The following B4GALNT4 variants were observed in gnomAD, a reference collection of about 807,000 sequenced individuals.
B4GALNT4 encodes the protein N-acetyl-beta-glucosaminyl-glycoprotein 4-beta-N-acetylgalactosaminyltransferase 1.
In B4GALNT4, 77 loss-of-function variants were observed where a neutral mutation model predicts 110.0. The observed-to-expected ratio is 0.70, with a 90% CI of 0.58 to 0.85. The LOEUF is 0.85. Among genes scored for constraint, B4GALNT4 ranks in the 40% least tolerant of loss-of-function variants. The pLI, the probability that B4GALNT4 is intolerant of heterozygous loss-of-function variation, is 0.00. For missense variants in B4GALNT4, 1,575 were observed against 1,506.0 expected (o/e 1.05, Z -0.76); for synonymous variants, 785 against 655.5 (o/e 1.20, Z -3.02).
intron 18 of B4GALNT4, 31 bp downstream of exon 18, chr11:380,476 C>A: frequency 6.4e-7 from 1 of 1,557,296 alleles, no homozygotes. Context: ...CCCTGTGATA[C>A]CAGGGTTCCC....
In B4GALNT4 at chr11:377,062, G is replaced by T; in HGVS notation, c.1939G>T (p.Glu647Ter). The T allele has an allele frequency of 6.9e-7, 1 of 1,442,224 alleles. No homozygotes were observed. The highest frequency in any genetic ancestry group is 9.1e-7 in the Non-Finnish European group (1 of 1,098,018). The allele number at this position is 1,442,224 out of a possible 1,614,324, so 89.3% of individuals were successfully genotyped here. The change falls in exon 14 of 20, where the codon GAG (glutamate) becomes TAG (stop). Residue 647 changes from glutamate to a stop codon, truncating the protein, a stop_gained. Coordinates refer to ENST00000329962, the MANE Select transcript of B4GALNT4 (RefSeq NM_178537.5). LOFTEE classifies it high-confidence loss of function. ...PQLPGEGEEE[E>*]EGEDDGAPGD... ...GCTGCCCGGGGAGGGCGAAGAGGAG[G>T]AGGAAGGGGAGGACGATGGGGCCCC...
At position 381,929 on chromosome 11, in the gene B4GALNT4, C is replaced by A; in HGVS notation, c.*137C>A. Reference sequence around the variant, plus strand: ...CCGCCTGTGCCTGCCCCTCTCTGGCCCACTGGGCGTCGTGCCCCTCCCCGG... The same window carrying A: ...CCGCCTGTGCCTGCCCCTCTCTGGCACACTGGGCGTCGTGCCCCTCCCCGG... On this transcript the variant is annotated 3_prime_UTR_variant, in exon 20 of 20. Transcript: ENST00000329962. 9.0e-7 allele frequency: 1 copy of A among 1,107,048 alleles called. No homozygotes were observed. Among genetic ancestry groups the A allele is most frequent in the Non-Finnish European group, 1.2e-6 (1 of 835,660 alleles). 68.6% of individuals were successfully genotyped at this position (1,107,048 alleles called of 1,614,324 possible).
intron 11 of B4GALNT4, 21 bp downstream of exon 11, chr11:375,977 C>T (rs1368895019): frequency 5.6e-6 from 9 of 1,606,954 alleles, no homozygotes; most frequent in Middle Eastern, 1.6e-4. Context: ...CTGGAGACCC[C>T]GTCTCCCGTC....
chr11:381,230 C>T (rs1846869436), intron 19 of B4GALNT4: 1 of 767,068 alleles, frequency 1.3e-6, no homozygotes, highest in East Asian at 1.3e-4. Flanking sequence ...CCCCATCATC[C>T]CACTGGGGCC....
At position 379,574 on chromosome 11, in the gene B4GALNT4, G is replaced by C; in HGVS notation, c.2361G>C (p.Gly787=). ...TGCGGCTGCCGGGAGCCCGCGTAGGGGATGCAGACGGAGAAAGTCCCGAAC... is the reference window on the plus strand; with the variant it reads ...TGCGGCTGCCGGGAGCCCGCGTAGGCGATGCAGACGGAGAAAGTCCCGAAC... ...VFLRLPGARV[G]DADGESPEPA... is the part of the protein sequence containing the mutation. Residue 787 remains glycine, a synonymous_variant, in exon 15 of 20, where the codon GGG becomes GGC. Transcript: ENST00000329962. 1 of 1,585,484 alleles carries C rather than the reference G, an allele frequency of 6.3e-7. No homozygotes were observed. Among genetic ancestry groups the C allele is most frequent in the Non-Finnish European group, 8.6e-7 (1 of 1,167,644 alleles).
intron 15 of B4GALNT4, 25 bp from the exon 16 acceptor site, chr11:379,841 G>T: frequency 6.4e-7 from 1 of 1,561,602 alleles, no homozygotes. Context: ...TCGGCTCAGC[G>T]CCCCCCCCGC....
At chr11:377,742 C>T (rs929393494) in intron 14 of B4GALNT4, among the ~76,000 whole-genome samples, 3 of 152,254 alleles carry the variant, frequency 2.0e-5, no homozygotes, top group Non-Finnish European at 4.4e-5. Flanking sequence ...CCCCTGGGCC[C>T]CTCCTCCTCT....
rs761643991 is a variant in B4GALNT4, at chr11:376,637, C to T, written c.1514C>T (p.Pro505Leu). The change falls in exon 14 of 20, where the codon CCG becomes CTG. Residue 505 changes from proline (P) to leucine (L), a missense_variant. Physicochemically the swap from Pro to Leu is moderately conservative, Grantham distance 98 (BLOSUM62 -3). Transcript: ENST00000329962. ...SWAARAARPL[P>L]LFLGRAPPPR... ...GCCGCCAGGGCCGCCCGCCCTTTGC[C>T]GCTCTTCTTGGGCCGAGCTCCGCCC... 1.3e-5 allele frequency: 18 copies of T among 1,423,136 alleles called. No homozygotes were observed. The Admixed American group carries it at 1.4e-4, about 11-fold the overall frequency. 88.2% of individuals were successfully genotyped at this position (1,423,136 alleles called of 1,614,324 possible).
rs754486139 is a variant in B4GALNT4, at chr11:376,362, G to A, written c.1297+11G>A. The stretch of plus-strand genomic sequence containing the variant: ...TCCTCAACCCGGACGGTGAGTGTCC[G>A]CAGCGCCCCTGGCCCGCACCCACCT... On this transcript the variant is annotated intron_variant, in intron 13 of 19. Transcript: ENST00000329962. 1.2e-6 allele frequency: 2 copies of A among 1,605,170 alleles called. No individual in the cohort carries two copies. The highest frequency in any genetic ancestry group is 1.1e-5 in the South Asian group (1 of 90,494).
intron 14 of B4GALNT4, among the ~76,000 whole-genome samples, chr11:378,580 G>T (rs1846807092): frequency 6.6e-6 from 1 of 152,204 alleles, no homozygotes; most frequent in African/African-American, 2.4e-5. Context: ...ACCCTCAGCT[G>T]TCACACAGGT....
chr11:379,347 A>C, intron 14 of B4GALNT4, 71 bp from the exon 15 acceptor site: 4 of 1,397,434 alleles, frequency 2.9e-6, no homozygotes, highest in Non-Finnish European at 3.7e-6. Context: ...TTCTGTGGCC[A>C]GGGCGGACCA....
At chr11:380,690 C>T (rs922960615) in intron 18 of B4GALNT4, 135 bp from the exon 19 acceptor site, 11 of 1,440,418 alleles carry the variant, frequency 7.6e-6, no homozygotes, top group Middle Eastern at 1.7e-4. Context: ...CCAGTACCAC[C>T]GGACGACTCC....
rs1424669324 is a variant in B4GALNT4, at chr11:376,192, C to A, written c.1196+18C>A. On this transcript the variant is annotated intron_variant, in intron 12 of 19. Transcript: ENST00000329962. ...CTGGAGAGGTGGGCGCGCGGCCGGG[C>A]TAATGCGGGGCGGGGTGGGCGGGGC... 28 of 743,012 alleles carry A rather than the reference C, an allele frequency of 3.8e-5. No individual in the cohort carries two copies. Among genetic ancestry groups the A allele is most frequent in the Non-Finnish European group, 5.8e-5 (27 of 463,020 alleles). 46.0% of individuals were successfully genotyped at this position (743,012 alleles called of 1,614,324 possible). A position where few individuals can be genotyped will look rare whatever the true frequency, so the allele number is the denominator to read the frequency against.
chr11:375,789 C>T lies in B4GALNT4; in HGVS notation c.985+16C>T, dbSNP rs932275582. 11 of 1,600,984 alleles carry T rather than the reference C, an allele frequency of 6.9e-6. No homozygotes were observed. The African/African-American group carries it at 1.2e-4, about 18-fold the overall frequency. Reference sequence around the variant, plus strand: ...TTTTTCCTCAGTGAGAGGGGGCCCGCGCGGGGGCGAGGGCGGGGGTGCCTG... The same window carrying T: ...TTTTTCCTCAGTGAGAGGGGGCCCGTGCGGGGGCGAGGGCGGGGGTGCCTG... On this transcript the variant is annotated intron_variant, in intron 10 of 19. Coordinates refer to ENST00000329962, the MANE Select transcript of B4GALNT4 (RefSeq NM_178537.5).
chr11:381,211 G>C lies in B4GALNT4; in HGVS notation c.2996+260G>C, dbSNP rs912728189. The C allele has an allele frequency of 4.4e-6, 4 of 914,392 alleles. No homozygotes were observed. The African/African-American group carries it at 5.4e-5, about 12-fold the overall frequency. The allele number at this position is 914,392 out of a possible 1,614,324, so 56.6% of individuals were successfully genotyped here. On this transcript the variant is annotated intron_variant, in intron 19 of 19. Transcript: ENST00000329962. ...CCCCCGATCCCATAGGCCCTGGGTG[G>C]CCCTGAGTCCCCATCATCCCACTGG...
rs1160490278 is a variant in B4GALNT4, at chr11:376,073, G to A, written c.1096-1G>A. ...GAGCCCTGCGCCCCCCCACCCCCCA[G>A]GTGTACCTGTCCTTCGTTTATCCCA... is the stretch of plus-strand genomic sequence containing the variant. On this transcript the variant is annotated splice_acceptor_variant, in intron 11 of 19. Transcript: ENST00000329962. LOFTEE classifies it high-confidence loss of function. 1.7e-6 allele frequency: 2 copies of A among 1,195,680 alleles called. No homozygotes were observed. The highest frequency in any genetic ancestry group is 3.5e-5 in the Admixed American group (2 of 57,350). 74.1% of individuals were successfully genotyped at this position (1,195,680 alleles called of 1,614,324 possible). A position where few individuals can be genotyped will look rare whatever the true frequency, so the allele number is the denominator to read the frequency against.
At position 380,128 on chromosome 11, in the gene B4GALNT4, A is replaced by G; in HGVS notation, c.2643-2A>G. 1.2e-6 allele frequency: 2 copies of G among 1,601,440 alleles called. No individual in the cohort carries two copies. Among genetic ancestry groups the G allele is most frequent in the Non-Finnish European group, 1.7e-6 (2 of 1,171,658 alleles). On this transcript the variant is annotated splice_acceptor_variant, in intron 16 of 19. Transcript: ENST00000329962. LOFTEE classifies it high-confidence loss of function. Reference sequence around the variant, plus strand: ...ATCGTGCCTGTGACTCGCCCTCCCCAGGTACCAGTACCTGAGACGAACCGG... The same window carrying G: ...ATCGTGCCTGTGACTCGCCCTCCCCGGGTACCAGTACCTGAGACGAACCGG...
In B4GALNT4 at chr11:379,403, C is replaced by G. The variant is rs1486827374; in HGVS notation, c.2205-15C>G. 1.3e-6 allele frequency: 2 copies of G among 1,490,032 alleles called. No individual in the cohort carries two copies. The highest frequency in any genetic ancestry group is 4.6e-5 in the Admixed American group (2 of 43,090). 92.3% of individuals were successfully genotyped at this position (1,490,032 alleles called of 1,614,324 possible). A position where few individuals can be genotyped will look rare whatever the true frequency, so the allele number is the denominator to read the frequency against. On this transcript the variant is annotated splice_polypyrimidine_tract_variant and intron_variant, in intron 14 of 19. Coordinates refer to ENST00000329962, the MANE Select transcript of B4GALNT4 (RefSeq NM_178537.5). ...GCTGGAAGCCCCAGTACCGGCTGAC[C>G]GCTGAGCCTTGCAGGCGCTTCGCGC...
Position 373,642 on chromosome 11 carries a change from C to G in B4GALNT4, c.705-108C>G, listed in dbSNP as rs1198845153. On this transcript the variant is annotated intron_variant, in intron 7 of 19. Coordinates refer to ENST00000329962, the MANE Select transcript of B4GALNT4 (RefSeq NM_178537.5). ...AGCACCCGCCCGGCCAAGCTGCCAT[C>G]CTCCTGAGGGCCAGCCCTGAGGGGT... is the stretch of plus-strand genomic sequence containing the variant. 15 of 1,513,000 alleles carry G rather than the reference C, an allele frequency of 9.9e-6. No individual in the cohort carries two copies. In the South Asian group the frequency reaches 1.7e-4, roughly 17 times the overall value. The allele number at this position is 1,513,000 out of a possible 1,614,324, so 93.7% of individuals were successfully genotyped here. A position where few individuals can be genotyped will look rare whatever the true frequency, so the allele number is the denominator to read the frequency against.
Sources: gnomAD v4.1 joint callset for allele counts (sites outside exome capture counted in the v4.1 genomes callset) on GRCh38, gnomAD v4.1.1 for gene constraint, MANE v1.5 for transcripts, NCBI Gene and HGNC (gene_info 2026-07-23, HGNC 2026-07-21) for gene names.